Variants in KIAA1958 observed in about 807,000 individuals in gnomAD.
KIAA1958 encodes KIAA1958.
A neutral mutation model predicts 47.2 loss-of-function variants in KIAA1958; 14 were observed. The ratio of observed to expected loss-of-function variants is 0.30; its 90% CI spans 0.20 to 0.46. The LOEUF is 0.46. KIAA1958 is among the 20% of genes least tolerant of loss of function. The pLI is 1.00. For synonymous variants in KIAA1958, 354 were observed against 353.3 expected (o/e 1.00, Z -0.02); for missense variants, 803 against 909.2 (o/e 0.88, Z 1.50).
intron 2 of KIAA1958, among the ~76,000 whole-genome samples, chr9:112,595,906 C>T (rs959542284): frequency 5.3e-5 from 8 of 151,862 alleles, no homozygotes; most frequent in Non-Finnish European, 8.8e-5. Context: ...CTGCCTCAGC[C>T]TCCCGAGTAG....
chr9:112,543,365 A>T (rs917104815), intron 1 of KIAA1958, among the ~76,000 whole-genome samples: 26 of 152,150 alleles, frequency 1.7e-4, no homozygotes, highest in Middle Eastern at 3.2e-3. Flanking sequence ...AGTAACCATC[A>T]ACTTCACATG....
intron 3 of KIAA1958, among the ~76,000 whole-genome samples, chr9:112,653,724 A>AC (rs577909335): frequency 1.2e-3 from 181 of 152,136 alleles, no homozygotes; most frequent in African/African-American, 4.2e-3. Context: ...ACATGTTGAA[A>AC]CCCCGTCTCT....
intron 2 of KIAA1958, chr9:112,619,073 G>GTA: frequency 1.4e-6 from 1 of 718,926 alleles, no homozygotes; most frequent in East Asian, 6.8e-5. Flanking sequence ...TAAGCCAATG[G>GTA]AGATAATTTA....
rs1385779963 is a variant in KIAA1958, at chr9:112,661,564, T to C, written c.*1495T>C. On this transcript the variant is annotated 3_prime_UTR_variant, in exon 4 of 4. Transcript: ENST00000337530. ...TTTGAAAACATTATTTTAGTATTTA[T>C]TTTAATTAATTGGTTTCTTAAAAAA... The C allele has an allele frequency of 6.6e-6, 1 of 152,244 alleles. No individual in the cohort carries two copies. The highest frequency in any genetic ancestry group is 1.5e-5 in the Non-Finnish European group (1 of 68,038). 9.4% of individuals were successfully genotyped at this position (152,244 alleles called of 1,614,324 possible). A position where few individuals can be genotyped will look rare whatever the true frequency, so the allele number is the denominator to read the frequency against.
At chr9:112,615,193 G>A (rs894365449) in intron 2 of KIAA1958, among the ~76,000 whole-genome samples, 2 of 151,946 alleles carry the variant, frequency 1.3e-5, no homozygotes, top group African/African-American at 2.4e-5. Flanking sequence ...AGGCAAGACG[G>A]GCAGATCACC....
At chr9:112,590,837 G>A (rs1329229156) in intron 2 of KIAA1958, among the ~76,000 whole-genome samples, 12 of 152,186 alleles carry the variant, frequency 7.9e-5, no homozygotes, top group Admixed American at 7.9e-4. Context: ...TGTGTATAAT[G>A]TGATTGATTG....
At chr9:112,551,254 T>C (rs1835141785) in intron 1 of KIAA1958, among the ~76,000 whole-genome samples, 3 of 152,318 alleles carry the variant, frequency 2.0e-5, no homozygotes, top group South Asian at 2.1e-4. Context: ...TGATGTGTTA[T>C]TAAAAAATAG....
At chr9:112,519,994 G>T (rs1337145812) in intron 1 of KIAA1958, among the ~76,000 whole-genome samples, 1 of 152,166 alleles carries the variant, frequency 6.6e-6, no homozygotes, top group Non-Finnish European at 1.5e-5. Flanking sequence ...AGGGGCTTCG[G>T]TCCCCTTGGT....
chr9:112,530,507 A>AAC (rs1834734747), intron 1 of KIAA1958, among the ~76,000 whole-genome samples: 1 of 152,180 alleles, frequency 6.6e-6, no homozygotes, highest in Non-Finnish European at 1.5e-5. Context: ...TGGACTGTTG[A>AAC]ACAGATTACA....
chr9:112,591,160 T>G (rs1835912588), intron 2 of KIAA1958, among the ~76,000 whole-genome samples: 2 of 152,196 alleles, frequency 1.3e-5, no homozygotes, highest in African/African-American at 4.8e-5. Context: ...CTCGGCTCAC[T>G]GCAAGCTCTG....
chr9:112,605,208 G>C (rs2131203875), intron 2 of KIAA1958, among the ~76,000 whole-genome samples: 1 of 152,124 alleles, frequency 6.6e-6, no homozygotes, highest in South Asian at 2.1e-4. Context: ...AACTATGTAG[G>C]ACAATGTAAG....
chr9:112,557,023 A>G (rs10817359), intron 1 of KIAA1958, among the ~76,000 whole-genome samples: 82,295 of 151,830 alleles, frequency 0.54, 22,350 homozygotes, highest in African/African-American at 0.57. Flanking sequence ...GAGTGGCCCA[A>G]TCATGGCTCA....
At chr9:112,507,220 A>T (rs1161619864) in intron 1 of KIAA1958, among the ~76,000 whole-genome samples, 1 of 152,230 alleles carries the variant, frequency 6.6e-6, no homozygotes, top group Non-Finnish European at 1.5e-5. Context: ...GGGGTGGCAT[A>T]TGACTCTCAA....
chr9:112,570,324 G>A (rs1588022471), intron 1 of KIAA1958, among the ~76,000 whole-genome samples: 1 of 152,326 alleles, frequency 6.6e-6, no homozygotes, highest in East Asian at 1.9e-4. Context: ...TGAAGGGGCA[G>A]AAGTCTTACA....
chr9:112,568,927 T>C (rs373886871), intron 1 of KIAA1958, among the ~76,000 whole-genome samples: 1 of 9,154 alleles, frequency 1.1e-4, no homozygotes, highest in Non-Finnish European at 2.3e-4. Flanking sequence ...AATTTAAGAA[T>C]AGGAAAACTA....
intron 2 of KIAA1958, among the ~76,000 whole-genome samples, chr9:112,632,194 TTTTA>T (rs1836722118): frequency 6.6e-6 from 1 of 152,156 alleles, no homozygotes; most frequent in Non-Finnish European, 1.5e-5. Flanking sequence ...TTATAAATCG[TTTTA>T]TTTTTCATAT....
chr9:112,588,075 A>C lies in KIAA1958; in HGVS notation c.1171+12824A>C, dbSNP rs182591435. Reference sequence around the variant, plus strand: ...ATTAGGGATATCAGTGTCCCTATTCATTCCACTGTTCTCTCCTCCCTGCTC... The same window carrying C: ...ATTAGGGATATCAGTGTCCCTATTCCTTCCACTGTTCTCTCCTCCCTGCTC... On this transcript the variant is annotated intron_variant, in intron 2 of 3. Coordinates refer to ENST00000337530, the MANE Select transcript of KIAA1958 (RefSeq NM_133465.4). Among the ~76,000 whole-genome samples the C allele has an allele frequency of 1.7e-4, 26 of 152,330 alleles. No individual in the cohort carries two copies. The East Asian group carries it at 4.0e-3, about 24-fold the overall frequency.
chr9:112,520,509 A>G (rs1020142951), intron 1 of KIAA1958, among the ~76,000 whole-genome samples: 6 of 152,230 alleles, frequency 3.9e-5, no homozygotes, highest in African/African-American at 1.4e-4. Flanking sequence ...ATAAATTAAT[A>G]TCCCCAAACT....
At chr9:112,500,985 C>A (rs1448228981) in intron 1 of KIAA1958, among the ~76,000 whole-genome samples, 2 of 151,554 alleles carry the variant, frequency 1.3e-5, no homozygotes. Context: ...GTTGCATGCA[C>A]CTGTGGTCCT....
Sources: allele counts gnomAD v4.1 joint callset (sites outside exome capture counted in the v4.1 genomes callset), GRCh38; gene constraint gnomAD v4.1.1; transcripts MANE v1.5; gene names NCBI Gene and HGNC (gene_info 2026-07-23, HGNC 2026-07-21).